Variants in RIMS1 observed in about 807,000 individuals in gnomAD.
The protein encoded by RIMS1 is regulating synaptic membrane exocytosis protein 1.
In RIMS1, 83 loss-of-function variants were observed where a neutral mutation model predicts 214.1. That is an observed-to-expected ratio of 0.39 (90% CI 0.32 to 0.47). The LOEUF (loss-of-function observed/expected upper bound fraction) is 0.47, where lower values mean the gene tolerates loss of function less well. Among genes scored for constraint, RIMS1 ranks in the 20% least tolerant of loss-of-function variants. The pLI, the probability that RIMS1 is intolerant of heterozygous loss-of-function variation, is 0.99. For missense variants in RIMS1, 2,050 were observed against 2,161.8 expected (o/e 0.95, Z 1.03); for synonymous variants, 793 against 786.8 (o/e 1.01, Z -0.13).
chr6:71,997,986 G>C (rs773081760), intron 2 of RIMS1, among the ~76,000 whole-genome samples: 1 of 151,978 alleles, frequency 6.6e-6, no homozygotes, highest in Non-Finnish European at 1.5e-5. Context: ...ATGAACAAAT[G>C]CTGGACATTT....
intron 6 of RIMS1, among the ~76,000 whole-genome samples, chr6:72,226,691 A>T (rs2154065892): frequency 6.6e-6 from 1 of 152,168 alleles, no homozygotes; most frequent in South Asian, 2.1e-4. Context: ...ATTGTTAGGG[A>T]TATCTTGAAC....
chr6:71,977,481 G>A (rs1382570742), intron 2 of RIMS1, among the ~76,000 whole-genome samples: 2 of 152,216 alleles, frequency 1.3e-5, no homozygotes, highest in South Asian at 2.1e-4. Flanking sequence ...CTTTGTCCTT[G>A]TAAAGCTTGG....
chr6:72,306,948 A>T (rs1468921090), intron 26 of RIMS1, among the ~76,000 whole-genome samples: 1 of 152,222 alleles, frequency 6.6e-6, no homozygotes, highest in East Asian at 1.9e-4. Context: ...AAACATTCTT[A>T]CAATTAAATT....
intron 29 of RIMS1, among the ~76,000 whole-genome samples, chr6:72,355,789 A>C (rs753312347): frequency 3.2e-4 from 49 of 152,092 alleles, no homozygotes; most frequent in Non-Finnish European, 1.2e-4. Context: ...GTCTAATTCG[A>C]TACCTGTCAT....
intron 20 of RIMS1, 113 bp downstream of exon 20, chr6:72,265,165 CTAA>C: frequency 1.5e-6 from 1 of 651,534 alleles, no homozygotes; most frequent in Non-Finnish European, 2.6e-6. Flanking sequence ...AATTTACATT[CTAA>C]TAAAATATTC....
intron 1 of RIMS1, among the ~76,000 whole-genome samples, chr6:71,894,940 TTTAG>T (rs1377540813): frequency 6.6e-6 from 1 of 152,218 alleles, no homozygotes; most frequent in Non-Finnish European, 1.5e-5. Flanking sequence ...TTATACATTA[TTTAG>T]TATTTGTTTG....
intron 4 of RIMS1, among the ~76,000 whole-genome samples, chr6:72,154,589 G>GC (rs2153910379): frequency 7.1e-6 from 1 of 140,822 alleles, no homozygotes; most frequent in African/African-American, 2.5e-5. Flanking sequence ...ATGCCCTTGC[G>GC]CAAGTATCAA....
At chr6:72,294,242 A>G (rs1470308935) in intron 26 of RIMS1, among the ~76,000 whole-genome samples, 1 of 151,752 alleles carries the variant, frequency 6.6e-6, no homozygotes, top group African/African-American at 2.4e-5. Flanking sequence ...TGAGTTAGAT[A>G]GGATTTAGCA....
rs565078543 is a variant in RIMS1 at position 72,173,698 on chromosome 6, AT to A, written c.472-5873del. Reference sequence around the variant, plus strand: ...CCAACATTAATTCTTCTCTATGTTGATTTTAGCCTTTCTCTTTAATGTTATA... The same window carrying A: ...CCAACATTAATTCTTCTCTATGTTGATTTAGCCTTTCTCTTTAATGTTATA... On this transcript the variant is annotated intron_variant, in intron 4 of 33. Transcript: ENST00000521978. Among the ~76,000 whole-genome samples the A allele has an allele frequency of 1.3e-4, 20 of 152,028 alleles. No individual in the cohort carries two copies. The South Asian group carries it at 4.2e-3, about 32-fold the overall frequency.
Position 71,904,756 on chromosome 6 carries a change from C to T in RIMS1, c.164+17569C>T, listed in dbSNP as rs1046323324. On this transcript the variant is annotated intron_variant, in intron 1 of 33. Coordinates refer to ENST00000521978, the MANE Select transcript of RIMS1 (RefSeq NM_014989.7). ...TATTGACAAAATGGAATATATAAGT[C>T]AACTGGTAAGACTGTCCAGATTGTG... Among the ~76,000 whole-genome samples, 3 of 152,072 alleles carry T rather than the reference C, an allele frequency of 2.0e-5. 1 individual carries two copies. In the East Asian group the frequency reaches 5.8e-4, roughly 29 times the overall value.
intron 29 of RIMS1, among the ~76,000 whole-genome samples, chr6:72,371,249 G>C (rs146310641): frequency 6.6e-6 from 1 of 152,166 alleles, no homozygotes; most frequent in Non-Finnish European, 1.5e-5. Context: ...TCACCTATGT[G>C]TGACATCCCC....
intron 16 of RIMS1, among the ~76,000 whole-genome samples, chr6:72,256,310 A>G (rs2075845952): frequency 6.6e-6 from 1 of 152,174 alleles, no homozygotes; most frequent in African/African-American, 2.4e-5. Context: ...CATTGCCGTC[A>G]GTATACTTTT....
At chr6:72,083,295 C>G (rs925110090) in intron 2 of RIMS1, among the ~76,000 whole-genome samples, 7 of 152,048 alleles carry the variant, frequency 4.6e-5, no homozygotes, top group African/African-American at 1.7e-4. Context: ...TGATAATACT[C>G]TTTTTATAAA....
At chr6:72,144,082 C>T (rs1023840057) in intron 4 of RIMS1, among the ~76,000 whole-genome samples, 5 of 152,026 alleles carry the variant, frequency 3.3e-5, no homozygotes, top group Admixed American at 6.6e-5. Flanking sequence ...AACGCAGGCC[C>T]GTATTACTAA....
At chr6:72,361,863 A>G (rs2097840126) in intron 29 of RIMS1, among the ~76,000 whole-genome samples, 1 of 152,216 alleles carries the variant, frequency 6.6e-6, no homozygotes, top group Non-Finnish European at 1.5e-5. Context: ...ACTGTTTGGC[A>G]AGCTTAATTC....
chr6:72,222,380 A>G (rs564295760), intron 6 of RIMS1, among the ~76,000 whole-genome samples: 70 of 152,236 alleles, frequency 4.6e-4, no homozygotes, highest in Non-Finnish European at 8.1e-4. Flanking sequence ...TGCAAAGAGC[A>G]CTTGATCTTT....
At chr6:71,896,156 A>G (rs1418734728) in intron 1 of RIMS1, among the ~76,000 whole-genome samples, 3 of 152,224 alleles carry the variant, frequency 2.0e-5, no homozygotes, top group African/African-American at 7.2e-5. Flanking sequence ...GTAAGATCCA[A>G]AATCCTAAAG....
chr6:72,215,930 A>C (rs1221222945), intron 6 of RIMS1, among the ~76,000 whole-genome samples: 2 of 152,202 alleles, frequency 1.3e-5, no homozygotes, highest in African/African-American at 4.8e-5. Flanking sequence ...TTAAGTAAAC[A>C]CAGCACCATT....
At chr6:72,004,176 A>G (rs1284564503) in intron 2 of RIMS1, among the ~76,000 whole-genome samples, 1 of 151,886 alleles carries the variant, frequency 6.6e-6, no homozygotes, top group Non-Finnish European at 1.5e-5. Context: ...CATTTCATCC[A>G]TGTCCCTACA....
Sources: gnomAD v4.1 joint callset for allele counts (sites outside exome capture counted in the v4.1 genomes callset) on GRCh38, gnomAD v4.1.1 for gene constraint, MANE v1.5 for transcripts, NCBI Gene and HGNC (gene_info 2026-07-23, HGNC 2026-07-21) for gene names.